ADGRV1: variants seen among roughly 807,000 people sequenced by gnomAD.
ADGRV1 encodes the protein adhesion G protein-coupled receptor V1.
In ADGRV1, 359 loss-of-function variants were observed where a neutral mutation model predicts 596.2. The observed-to-expected ratio is 0.60, with a 90% CI of 0.55 to 0.66. The LOEUF is 0.66. ADGRV1 is among the 30% of genes least tolerant of loss of function. ADGRV1 has a pLI of 0.00. For missense variants in ADGRV1, 7,274 were observed against 7,575.6 expected, an observed-to-expected ratio of 0.96 and a Z score of 1.48; for synonymous variants, 2,681 against 2,679.2, an observed-to-expected ratio of 1.00 and a Z score of -0.02.
chr5:90,958,569 C>G (rs1777709579), intron 83 of ADGRV1, among the ~76,000 whole-genome samples: 1 of 152,094 alleles, frequency 6.6e-6, no homozygotes, highest in Non-Finnish European at 1.5e-5. Flanking sequence ...AGTTTGGAGG[C>G]TAGAGTCTGA....
intron 85 of ADGRV1, among the ~76,000 whole-genome samples, chr5:91,047,042 C>T (rs549707378): frequency 6.6e-6 from 1 of 152,042 alleles, no homozygotes; most frequent in Non-Finnish European, 1.5e-5. Context: ...ATGCAGTGAA[C>T]AGGAACACTT....
At chr5:91,140,743 C>T (rs1395276492) in intron 87 of ADGRV1, among the ~76,000 whole-genome samples, 1 of 152,120 alleles carries the variant, frequency 6.6e-6, no homozygotes, top group Non-Finnish European at 1.5e-5. Flanking sequence ...AGTTTGGATT[C>T]TTGTAATCTG....
chr5:90,981,587 A>T (rs957324804), intron 84 of ADGRV1, among the ~76,000 whole-genome samples: 4 of 151,986 alleles, frequency 2.6e-5, no homozygotes, highest in African/African-American at 9.7e-5. Context: ...ATGGGTGTGT[A>T]TGTGTGAGTG....
chr5:90,998,208 A>G (rs1172849666), intron 85 of ADGRV1, among the ~76,000 whole-genome samples: 2 of 152,194 alleles, frequency 1.3e-5, no homozygotes, highest in African/African-American at 2.4e-5. Context: ...TTTTATTTTC[A>G]TCATAAATGA....
chr5:90,745,011 T>A (rs759115486), intron 50 of ADGRV1, 35 bp from the exon 51 acceptor site: 6 of 1,490,206 alleles, frequency 4.0e-6, no homozygotes, highest in Non-Finnish European at 5.6e-6. Context: ...ACAGTTTATA[T>A]CTCACTCAAG....
At chr5:90,679,472 A>G (rs1408523841) in intron 25 of ADGRV1, 77 bp from the exon 26 acceptor site, 1 of 910,138 alleles carries the variant, frequency 1.1e-6, no homozygotes, top group African/African-American at 1.6e-5. Context: ...TTTGCTTGAT[A>G]TGTTTTAAGA....
chr5:90,776,926 C>T (rs1758300939), intron 61 of ADGRV1, among the ~76,000 whole-genome samples: 1 of 152,136 alleles, frequency 6.6e-6, no homozygotes. Context: ...GCTTGTGTGT[C>T]TTAGCTACAA....
rs376535276 is a variant in ADGRV1 at position 91,112,498 on chromosome 5, T to C, written c.18432+10158T>C. Among the ~76,000 whole-genome samples, 5 of 152,194 alleles carry C rather than the reference T, an allele frequency of 3.3e-5. No homozygotes were observed. In the South Asian group the frequency reaches 8.3e-4, roughly 25 times the overall value. ...CTTGAAAGAGCAAACCTACAAGATTTAAACTAAACAAGATGCGTACGTCCT... is the reference window on the plus strand; with the variant it reads ...CTTGAAAGAGCAAACCTACAAGATTCAAACTAAACAAGATGCGTACGTCCT... On this transcript the variant is annotated intron_variant, in intron 87 of 89. Transcript: ENST00000405460.
intron 73 of ADGRV1, among the ~76,000 whole-genome samples, chr5:90,809,181 C>T (rs1245585998): frequency 6.6e-6 from 1 of 151,652 alleles, no homozygotes; most frequent in East Asian, 2.0e-4. Context: ...TGGTCTCGAT[C>T]TCCTGACCTC....
In ADGRV1 at chr5:91,017,033, A is replaced by G. The variant is rs910686322; in HGVS notation, c.18152+31511A>G. Among the ~76,000 whole-genome samples the G allele has an allele frequency of 7.8e-4, 118 of 151,936 alleles. 1 individual carries two copies. Among genetic ancestry groups the G allele is most frequent in the African/African-American group, 2.6e-3 (109 of 41,410 alleles). On this transcript the variant is annotated intron_variant, in intron 85 of 89. Coordinates refer to ENST00000405460, the MANE Select transcript of ADGRV1 (RefSeq NM_032119.4). ...GAACCGTTTATGAAATCATTGTTCC[A>G]TTGCACTCAGTAGTACCAAGCAGTC...
chr5:90,600,899 AG>A (rs1440420351), intron 1 of ADGRV1, among the ~76,000 whole-genome samples: 5 of 152,228 alleles, frequency 3.3e-5, no homozygotes, highest in African/African-American at 7.2e-5. Context: ...ATTAAAAAAA[AG>A]ATGCATTAAA....
At chr5:91,078,043 G>A (rs1359004843) in intron 86 of ADGRV1, among the ~76,000 whole-genome samples, 1 of 152,086 alleles carries the variant, frequency 6.6e-6, no homozygotes, top group Non-Finnish European at 1.5e-5. Flanking sequence ...TGGAAATGTG[G>A]CTGGATCCAG....
chr5:90,968,771 A>G (rs1275121440), intron 84 of ADGRV1, among the ~76,000 whole-genome samples: 1 of 152,202 alleles, frequency 6.6e-6, no homozygotes, highest in East Asian at 1.9e-4. Flanking sequence ...TATTAGTTCA[A>G]TCCTATTAGT....
chr5:90,917,173 A>G (rs1217506282), intron 83 of ADGRV1, among the ~76,000 whole-genome samples: 2 of 152,188 alleles, frequency 1.3e-5, no homozygotes, highest in East Asian at 1.9e-4. Flanking sequence ...TTGTTTCACC[A>G]CAACTTTCCT....
chr5:90,915,260 T>C (rs1171634583), intron 83 of ADGRV1, among the ~76,000 whole-genome samples: 1 of 152,214 alleles, frequency 6.6e-6, no homozygotes, highest in Non-Finnish European at 1.5e-5. Context: ...GTATAGGGCA[T>C]TATTTATTAT....
At position 90,828,927 on chromosome 5, in the gene ADGRV1, C is replaced by A; in HGVS notation, c.16369-17C>A. ...TATTAGTAATAGTTGTTTTTTTTTC[C>A]TTTTTCTCATTGTCAGGTACCACAG... is the stretch of plus-strand genomic sequence containing the variant. On this transcript the variant is annotated splice_polypyrimidine_tract_variant and intron_variant, in intron 76 of 89. Transcript: ENST00000405460. 6.7e-7 allele frequency: 1 copy of A among 1,497,952 alleles called. No homozygotes were observed. Among genetic ancestry groups the A allele is most frequent in the Non-Finnish European group, 8.9e-7 (1 of 1,118,550 alleles). 92.8% of individuals were successfully genotyped at this position (1,497,952 alleles called of 1,614,324 possible).
Position 90,756,459 on chromosome 5 carries a change from C to A in ADGRV1, c.11586C>A (p.Asp3862Glu). ...AHAEVSILPDDLPELEEGFIV... is the reference protein window; with the variant it reads ...AHAEVSILPDELPELEEGFIV... ...CTTTTTCCCCCATCCCCCAGGATGACCTTCCTGAATTGGAGGAAGGATTTA... is the reference window on the plus strand; with the variant it reads ...CTTTTTCCCCCATCCCCCAGGATGAACTTCCTGAATTGGAGGAAGGATTTA... Residue 3862 changes from aspartate to glutamate, a missense_variant, in exon 56 of 90, where the codon GAC becomes GAA. Physicochemically the swap from Asp to Glu is conservative, Grantham distance 45. This residue lies in a region of ADGRV1 where 3,643 missense variants were observed against 3,809.2 expected (regional missense o/e 0.96). Transcript: ENST00000405460. The A allele has an allele frequency of 6.6e-7, 1 of 1,507,016 alleles. No homozygotes were observed. The highest frequency in any genetic ancestry group is 8.9e-7 in the Non-Finnish European group (1 of 1,124,010). 93.4% of individuals were successfully genotyped at this position (1,507,016 alleles called of 1,614,324 possible). A position where few individuals can be genotyped will look rare whatever the true frequency, so the allele number is the denominator to read the frequency against.
chr5:90,967,075 A>C (rs1369224518), intron 84 of ADGRV1, among the ~76,000 whole-genome samples: 5 of 152,204 alleles, frequency 3.3e-5, no homozygotes, highest in Non-Finnish European at 7.3e-5. Context: ...CATACCACAC[A>C]GGCTCAAGGA....
chr5:90,894,716 A>G (rs1771136586), intron 83 of ADGRV1, among the ~76,000 whole-genome samples: 1 of 152,158 alleles, frequency 6.6e-6, no homozygotes, highest in Admixed American at 6.5e-5. Context: ...CGCAGAGTGC[A>G]AGACAATGGG....
Sources: allele counts gnomAD v4.1 joint callset (sites outside exome capture counted in the v4.1 genomes callset), GRCh38; gene constraint gnomAD v4.1.1; regional missense constraint gnomAD v4.1.1; transcripts MANE v1.5; gene names NCBI Gene and HGNC (gene_info 2026-07-23, HGNC 2026-07-21).